The following ZNF282 variants were observed in gnomAD, a reference collection of about 807,000 sequenced individuals.
The protein encoded by ZNF282 is HTLV-I U5 repressive element-binding protein 1.
Under a neutral mutation model 61.9 loss-of-function variants are expected in ZNF282, and 30 were observed. The observed-to-expected ratio is 0.48, with a 90% CI of 0.36 to 0.66. The LOEUF (loss-of-function observed/expected upper bound fraction) is 0.66, where lower values mean the gene tolerates loss of function less well. Ranked by LOEUF, ZNF282 falls within the 30% of genes least tolerant of loss-of-function variation. The pLI, the probability that ZNF282 is intolerant of heterozygous loss-of-function variation, is 0.00. For synonymous variants in ZNF282, 396 were observed against 405.0 expected (o/e 0.98, Z 0.27); for missense variants, 788 against 941.4 (o/e 0.84, Z 2.13).
Position 149,224,659 on chromosome 7 carries a change from GGGA to G in ZNF282, c.*15_*17del. The G allele has an allele frequency of 6.7e-7, 1 of 1,497,678 alleles. No individual in the cohort carries two copies. The highest frequency in any genetic ancestry group is 1.8e-4 in the Middle Eastern group (1 of 5,510). 92.8% of individuals were successfully genotyped at this position (1,497,678 alleles called of 1,614,324 possible). A position where few individuals can be genotyped will look rare whatever the true frequency, so the allele number is the denominator to read the frequency against. ...CTGAGCGAGACTAGGGCTGGGCTGGGGGAGGGCAGGGCCGGACGGAGTGGATCG... is the reference window on the plus strand; with the variant it reads ...CTGAGCGAGACTAGGGCTGGGCTGGGGGGCAGGGCCGGACGGAGTGGATCG... On this transcript the variant is annotated 3_prime_UTR_variant, in exon 8 of 8. Coordinates refer to ENST00000610704, the MANE Select transcript of ZNF282 (RefSeq NM_003575.4).
intron 2 of ZNF282, 21 bp from the exon 3 acceptor site, chr7:149,206,675 A>G: frequency 6.2e-7 from 1 of 1,614,122 alleles, no homozygotes. Flanking sequence ...GAGGCGCTAG[A>G]TTAACCGCTT....
At chr7:149,212,130 C>T (rs1206208734) in intron 5 of ZNF282, among the ~76,000 whole-genome samples, 1 of 152,158 alleles carries the variant, frequency 6.6e-6, no homozygotes, top group Non-Finnish European at 1.5e-5. Context: ...AAGGCTCTTT[C>T]TTAAAGACTG....
intron 7 of ZNF282, among the ~76,000 whole-genome samples, chr7:149,216,665 G>A (rs113218646): frequency 5.9e-5 from 9 of 152,296 alleles, no homozygotes; most frequent in Non-Finnish European, 8.8e-5. Context: ...TGGTAGCCAT[G>A]CTATTATGTG....
chr7:149,221,473 GA>G (rs1445402246), intron 7 of ZNF282, among the ~76,000 whole-genome samples: 1 of 152,216 alleles, frequency 6.6e-6, no homozygotes, highest in South Asian at 2.1e-4. Flanking sequence ...GGCTTCCCGG[GA>G]GACAGCCCCT....
At chr7:149,222,480 G>T (rs1298407519) in intron 7 of ZNF282, among the ~76,000 whole-genome samples, 1 of 152,102 alleles carries the variant, frequency 6.6e-6, no homozygotes, top group Non-Finnish European at 1.5e-5. Context: ...TTGAGAGACT[G>T]TCCTGAGATA....
chr7:149,208,828 G>C (rs1796036694), intron 4 of ZNF282, among the ~76,000 whole-genome samples: 1 of 149,454 alleles, frequency 6.7e-6, no homozygotes, highest in Non-Finnish European at 1.5e-5. Context: ...AGACCATCCT[G>C]GCCAACAAGG....
chr7:149,213,325 C>T (rs554016428), intron 6 of ZNF282, among the ~76,000 whole-genome samples: 1 of 152,312 alleles, frequency 6.6e-6, no homozygotes, highest in East Asian at 1.9e-4. Context: ...CCTCTGCCAT[C>T]GCTGGTTTCT....
intron 7 of ZNF282, among the ~76,000 whole-genome samples, chr7:149,216,645 G>A (rs1182978942): frequency 6.6e-6 from 1 of 152,178 alleles, no homozygotes; most frequent in African/African-American, 2.4e-5. Context: ...GGTTGCCAGG[G>A]ACAGCCAGAT....
chr7:149,214,311 C>G lies in ZNF282; in HGVS notation c.1180+497C>G, dbSNP rs561840401. Among the ~76,000 whole-genome samples the G allele has an allele frequency of 1.2e-3, 187 of 152,174 alleles. 1 individual carries two copies. The highest frequency in any genetic ancestry group is 3.2e-3 in the Middle Eastern group (1 of 316). On this transcript the variant is annotated intron_variant, in intron 7 of 7. Transcript: ENST00000610704. ...CATATTGGATCAGGGCCTCCCTACT[C>G]TAGTATGACCTCATCTTAACTAACT...
intron 7 of ZNF282, among the ~76,000 whole-genome samples, chr7:149,218,057 C>T (rs547484791): frequency 6.8e-6 from 1 of 146,964 alleles, no homozygotes; most frequent in Non-Finnish European, 1.5e-5. Context: ...GCAGTGAGAT[C>T]ATGCCACTGC....
chr7:149,224,920 G>A lies in ZNF282; in HGVS notation c.*273G>A. 1 of 501,472 alleles carries A rather than the reference G, an allele frequency of 2.0e-6. No homozygotes were observed. Among genetic ancestry groups the A allele is most frequent in the Non-Finnish European group, 3.5e-6 (1 of 288,540 alleles). The allele number at this position is 501,472 out of a possible 1,614,324, so 31.1% of individuals were successfully genotyped here. ...GGGCACCGCCCTCACACCTCCTCGA[G>A]TGCCCTGGGACCACTGGGCCACAGA... On this transcript the variant is annotated 3_prime_UTR_variant, in exon 8 of 8. Transcript: ENST00000610704.
intron 7 of ZNF282, among the ~76,000 whole-genome samples, chr7:149,220,389 G>A (rs1406087535): frequency 1.2e-4 from 18 of 152,080 alleles, no homozygotes; most frequent in African/African-American, 3.9e-4. Context: ...TCCAGCCTGC[G>A]CAACTGAGCC....
intron 7 of ZNF282, among the ~76,000 whole-genome samples, chr7:149,222,925 C>T (rs183859411): frequency 1.1e-3 from 174 of 152,206 alleles, no homozygotes; most frequent in Admixed American, 2.6e-3. Flanking sequence ...GGATTACAGG[C>T]GTGAGCCACT....
Position 149,198,634 on chromosome 7 carries a change from C to T in ZNF282, c.467C>T (p.Thr156Ile). The part of the protein sequence containing the change: ...HMESKWAVLG[T>I]LLQEYGLLQR... ...GAGAGCAAGTGGGCCGTGCTGGGGACCCTGCTGCAGGAGTACGGGCTGCTG... is the reference window on the plus strand; with the variant it reads ...GAGAGCAAGTGGGCCGTGCTGGGGATCCTGCTGCAGGAGTACGGGCTGCTG... The change falls in exon 2 of 8, where the codon ACC becomes ATC. Residue 156 changes from threonine (T) to isoleucine (I), a missense_variant. This residue lies in a region of ZNF282 where 92 missense variants were observed against 163.9 expected (regional missense o/e 0.56). Transcript: ENST00000610704. The surrounding 1 kb of genome is among the most constrained non-coding windows in gnomAD (Gnocchi z 4.3). The T allele has an allele frequency of 6.2e-7, 1 of 1,614,154 alleles. No individual in the cohort carries two copies. Among genetic ancestry groups the T allele is most frequent in the Non-Finnish European group, 8.5e-7 (1 of 1,180,036 alleles).
rs899124700 is a variant in ZNF282, at chr7:149,224,604, C to T, written c.1973C>T (p.Pro658Leu). The change falls in exon 8 of 8, where the codon CCC (proline) becomes CTC (leucine). Residue 658 changes from proline (P) to leucine (L), a missense_variant. Physicochemically the swap from Pro to Leu is moderately conservative, Grantham distance 98 (BLOSUM62 -3). This residue lies in a region of ZNF282 where 559 missense variants were observed against 642.0 expected (regional missense o/e 0.87). Transcript: ENST00000610704. Reference protein sequence around the residue: ...HLRVHSGGPGPGAPRQLPPPP... With the variant: ...HLRVHSGGPGLGAPRQLPPPP... ...CGCGTGCACAGCGGCGGCCCGGGCC[C>T]CGGCGCCCCACGGCAGCTCCCGCCG... 10 of 1,560,056 alleles carry T rather than the reference C, an allele frequency of 6.4e-6. No individual in the cohort carries two copies. Among genetic ancestry groups the T allele is most frequent in the Non-Finnish European group, 7.8e-6 (9 of 1,157,884 alleles).
At chr7:149,200,556 C>T (rs927733162) in intron 2 of ZNF282, among the ~76,000 whole-genome samples, 2 of 152,122 alleles carry the variant, frequency 1.3e-5, no homozygotes, top group African/African-American at 4.8e-5. Flanking sequence ...ACTCTCCTCC[C>T]TCATGACTGC....
Position 149,224,650 on chromosome 7 carries a change from C to A in ZNF282, c.*3C>A, listed in dbSNP as rs766332273. The A allele has an allele frequency of 6.6e-7, 1 of 1,507,342 alleles. No homozygotes were observed. Among genetic ancestry groups the A allele is most frequent in the African/African-American group, 1.4e-5 (1 of 72,554 alleles). 93.4% of individuals were successfully genotyped at this position (1,507,342 alleles called of 1,614,324 possible). On this transcript the variant is annotated 3_prime_UTR_variant, in exon 8 of 8. Transcript: ENST00000610704. ...CGCCGCCTCCTGAGCGAGACTAGGGCTGGGCTGGGGGAGGGCAGGGCCGGA... is the reference window on the plus strand; with the variant it reads ...CGCCGCCTCCTGAGCGAGACTAGGGATGGGCTGGGGGAGGGCAGGGCCGGA...
At chr7:149,214,211 G>A (rs927050729) in intron 7 of ZNF282, among the ~76,000 whole-genome samples, 9 of 152,084 alleles carry the variant, frequency 5.9e-5, no homozygotes, top group Non-Finnish European at 8.8e-5. Context: ...TTGTAGATGC[G>A]TTGCTGCAAG....
chr7:149,207,630 G>A (rs6949523), intron 4 of ZNF282, among the ~76,000 whole-genome samples, 160 bp downstream of exon 4: 85 of 152,346 alleles, frequency 5.6e-4, no homozygotes, highest in African/African-American at 2.0e-3. Context: ...AAATTTGGTG[G>A]TCACTTATAG....
Sources: allele counts gnomAD v4.1 joint callset (sites outside exome capture counted in the v4.1 genomes callset), GRCh38; gene constraint gnomAD v4.1.1; regional missense constraint gnomAD v4.1.1; non-coding constraint Gnocchi (gnomAD v3.1); transcripts MANE v1.5; gene names NCBI Gene and HGNC (gene_info 2026-07-23, HGNC 2026-07-21).